DEPDC5: variants seen among roughly 807,000 people sequenced by gnomAD.
DEPDC5 encodes the protein DEP domain containing 5, GATOR1 subcomplex subunit, also known as GATOR1 complex protein DEPDC5.
DEPDC5 carries 73 observed loss-of-function variants against 217.3 expected under a neutral mutation model. The ratio of observed to expected loss-of-function variants is 0.34; its 90% CI spans 0.28 to 0.41. DEPDC5 has a LOEUF of 0.41. DEPDC5 is among the 10% of genes least tolerant of loss of function. DEPDC5 has a pLI of 1.00. For synonymous variants in DEPDC5, 733 were observed against 756.7 expected, an observed-to-expected ratio of 0.97 and a Z score of 0.51; for missense variants, 1,675 against 2,070.1, an observed-to-expected ratio of 0.81 and a Z score of 3.70.
chr22:31,763,443 T>C (rs944337891), intron 4 of DEPDC5, among the ~76,000 whole-genome samples: 10 of 151,676 alleles, frequency 6.6e-5, no homozygotes, highest in Non-Finnish European at 1.2e-4. Flanking sequence ...TTTTTTTTTT[T>C]CTTTTTCCCT....
In DEPDC5 at chr22:31,894,511, TG is replaced by T. The variant is rs1157500425; in HGVS notation, c.4203+762del. The T allele has an allele frequency of 3.3e-5, 5 of 152,290 alleles. No individual in the cohort carries two copies. In the East Asian group the frequency reaches 7.7e-4, roughly 23 times the overall value. The allele number at this position is 152,290 out of a possible 1,614,324, so 9.4% of individuals were successfully genotyped here. On this transcript the variant is annotated intron_variant, in intron 39 of 42. Coordinates refer to ENST00000651528, the MANE Select transcript of DEPDC5 (RefSeq NM_001242896.3). ...ATAAACATCACTGCTTTGAACTCAG[TG>T]GTTCTTTACCTGGGCGGATTTTGCC...
At chr22:31,860,281 A>G (rs1218751967) in intron 32 of DEPDC5, among the ~76,000 whole-genome samples, 1 of 152,224 alleles carries the variant, frequency 6.6e-6, no homozygotes, top group Non-Finnish European at 1.5e-5. Flanking sequence ...GGGTACCTGC[A>G]TCAGCATCTC....
intron 33 of DEPDC5, among the ~76,000 whole-genome samples, chr22:31,863,688 C>G (rs964070992): frequency 1.3e-5 from 2 of 151,990 alleles, no homozygotes; most frequent in African/African-American, 4.8e-5. Context: ...ATTAGGAGGC[C>G]AAGGCAGACA....
At chr22:31,829,279 C>A (rs2090408704) in intron 24 of DEPDC5, among the ~76,000 whole-genome samples, 1 of 152,150 alleles carries the variant, frequency 6.6e-6, no homozygotes, top group South Asian at 2.1e-4. Flanking sequence ...CGCCTGTAAT[C>A]CCAGCACTTT....
intron 38 of DEPDC5, among the ~76,000 whole-genome samples, chr22:31,886,473 G>T (rs1050405806): frequency 4.6e-5 from 7 of 152,130 alleles, no homozygotes; most frequent in African/African-American, 1.7e-4. Context: ...GAAAAGCAGT[G>T]TATAGGCCAG....
At position 31,806,208 on chromosome 22, in the gene DEPDC5, G is replaced by A; in HGVS notation, c.1287+17G>A. On this transcript the variant is annotated intron_variant, in intron 18 of 42. Coordinates refer to ENST00000651528, the MANE Select transcript of DEPDC5 (RefSeq NM_001242896.3). The stretch of plus-strand genomic sequence containing the variant: ...GGAAAGAAGGTAGGTTTTTATTTTT[G>A]TTAAGACGGGGTCTTATTATGTGGT... 6.2e-7 allele frequency: 1 copy of A among 1,608,170 alleles called. No individual in the cohort carries two copies. Among genetic ancestry groups the A allele is most frequent in the African/African-American group, 1.3e-5 (1 of 74,864 alleles).
intron 24 of DEPDC5, among the ~76,000 whole-genome samples, chr22:31,825,130 C>G (rs2148852797): frequency 6.6e-6 from 1 of 152,244 alleles, no homozygotes; most frequent in African/African-American, 2.4e-5. Context: ...ACTCATTTGA[C>G]TATACTTGAA....
intron 33 of DEPDC5, among the ~76,000 whole-genome samples, chr22:31,867,207 CA>C (rs2092713027): frequency 6.6e-6 from 1 of 152,064 alleles, no homozygotes; most frequent in African/African-American, 2.4e-5. Flanking sequence ...GATCTTATTC[CA>C]AAAAGTTATT....
intron 41 of DEPDC5, among the ~76,000 whole-genome samples, chr22:31,902,363 G>T (rs1188046175): frequency 6.9e-6 from 1 of 144,502 alleles, no homozygotes; most frequent in African/African-American, 2.6e-5. Context: ...TCTTGCTTTG[G>T]TAATCCTCTC....
At chr22:31,780,797 C>T (rs915874004) in intron 8 of DEPDC5, among the ~76,000 whole-genome samples, 1 of 152,188 alleles carries the variant, frequency 6.6e-6, no homozygotes, top group Admixed American at 6.5e-5. Context: ...GGACTGTGTG[C>T]GCCCTCAGAG....
intron 24 of DEPDC5, among the ~76,000 whole-genome samples, chr22:31,824,162 G>A (rs1010615002): frequency 1.2e-4 from 19 of 152,056 alleles, no homozygotes; most frequent in Admixed American, 6.5e-5. Context: ...CCTGGCCAAC[G>A]TGGTGAAACC....
chr22:31,836,209 C>T (rs577451398), intron 25 of DEPDC5, among the ~76,000 whole-genome samples: 1 of 152,360 alleles, frequency 6.6e-6, no homozygotes, highest in Admixed American at 6.5e-5. Context: ...GGGGATGCCA[C>T]TGGCATCTAG....
At chr22:31,895,704 T>C (rs2093538467) in intron 39 of DEPDC5, among the ~76,000 whole-genome samples, 1 of 151,942 alleles carries the variant, frequency 6.6e-6, no homozygotes, top group South Asian at 2.1e-4. Flanking sequence ...GTTTTTTTTT[T>C]TGTCCAGAGC....
intron 4 of DEPDC5, among the ~76,000 whole-genome samples, chr22:31,760,956 G>A (rs2082338072): frequency 6.6e-6 from 1 of 151,756 alleles, no homozygotes; most frequent in South Asian, 2.1e-4. Context: ...TACAGATAAA[G>A]AATGTTGTAT....
intron 14 of DEPDC5, among the ~76,000 whole-genome samples, chr22:31,800,902 G>A (rs2086797263): frequency 2.0e-5 from 3 of 152,064 alleles, no homozygotes; most frequent in Admixed American, 2.0e-4. Context: ...CTTGAACCTG[G>A]GAGGTGGAGG....
At chr22:31,796,758 T>A (rs571905782) in intron 12 of DEPDC5, among the ~76,000 whole-genome samples, 1 of 150,676 alleles carries the variant, frequency 6.6e-6, no homozygotes, top group South Asian at 2.1e-4. Context: ...GTGCAGTGGC[T>A]CGATCTCGGC....
intron 6 of DEPDC5, 71 bp from the exon 7 acceptor site, chr22:31,768,743 T>A: frequency 1.5e-6 from 2 of 1,330,108 alleles, no homozygotes; most frequent in Non-Finnish European, 2.1e-6. Flanking sequence ...AATATGTTAA[T>A]CAATCTCTCT....
chr22:31,869,690 A>G (rs2092787872), intron 33 of DEPDC5, among the ~76,000 whole-genome samples: 1 of 152,154 alleles, frequency 6.6e-6, no homozygotes, highest in Non-Finnish European at 1.5e-5. Flanking sequence ...GGCTGGACAC[A>G]TACACATGGG....
chr22:31,776,247 G>A (rs901408958), intron 7 of DEPDC5, among the ~76,000 whole-genome samples: 1 of 151,710 alleles, frequency 6.6e-6, no homozygotes, highest in African/African-American at 2.4e-5. Flanking sequence ...AGGTAGCTGG[G>A]ACTACAGCAT....
Sources: gnomAD v4.1 joint callset for allele counts (sites outside exome capture counted in the v4.1 genomes callset) on GRCh38, gnomAD v4.1.1 for gene constraint, MANE v1.5 for transcripts, NCBI Gene and HGNC (gene_info 2026-07-23, HGNC 2026-07-21) for gene names.